The following AUTS2 variants were observed in gnomAD, a reference collection of about 807,000 sequenced individuals.
The protein encoded by AUTS2 is autism susceptibility gene 2 protein.
A neutral mutation model predicts 112.4 loss-of-function variants in AUTS2; 17 were observed. The ratio of observed to expected loss-of-function variants is 0.15; its 90% CI spans 0.10 to 0.23. The LOEUF is 0.23. Ranked by LOEUF, AUTS2 falls within the 10% of genes least tolerant of loss-of-function variation. The pLI, the probability that AUTS2 is intolerant of heterozygous loss-of-function variation, is 1.00. For missense variants in AUTS2, 1,510 were observed against 1,701.6 expected, an observed-to-expected ratio of 0.89 and a Z score of 1.98; for synonymous variants, 751 against 702.7, an observed-to-expected ratio of 1.07 and a Z score of -1.09.
chr7:69,697,303 C>T (rs1272618087), intron 1 of AUTS2, among the ~76,000 whole-genome samples: 2 of 152,230 alleles, frequency 1.3e-5, no homozygotes, highest in Non-Finnish European at 2.9e-5. Flanking sequence ...TTTTCTTTTA[C>T]AAGAAGCATT....
intron 1 of AUTS2, among the ~76,000 whole-genome samples, chr7:69,691,911 G>A (rs528273305): frequency 6.6e-6 from 1 of 152,258 alleles, no homozygotes; most frequent in Admixed American, 6.5e-5. Context: ...AGTTAGACAT[G>A]AAGCCTCCAC....
chr7:70,397,262 A>C (rs1452188332), intron 4 of AUTS2, among the ~76,000 whole-genome samples: 1 of 151,956 alleles, frequency 6.6e-6, no homozygotes, highest in Non-Finnish European at 1.5e-5. Flanking sequence ...ACAGGGTTTC[A>C]CCATGTTAGC....
At chr7:69,619,848 TC>T (rs1300686613) in intron 1 of AUTS2, among the ~76,000 whole-genome samples, 7 of 152,236 alleles carry the variant, frequency 4.6e-5, no homozygotes, top group Admixed American at 1.3e-4. Flanking sequence ...GGTGTTACAT[TC>T]TGGTGTCGCA....
intron 1 of AUTS2, among the ~76,000 whole-genome samples, chr7:69,743,639 C>T (rs1204718508): frequency 2.0e-5 from 3 of 152,142 alleles, no homozygotes; most frequent in African/African-American, 7.2e-5. Context: ...GTCAGTCTGT[C>T]ATTCTTACAT....
At chr7:70,224,733 A>G (rs561692676) in intron 4 of AUTS2, among the ~76,000 whole-genome samples, 84 of 152,292 alleles carry the variant, frequency 5.5e-4, no homozygotes, top group Non-Finnish European at 1.1e-3. Context: ...AGCTCCATTC[A>G]TGGTAAGTGC....
chr7:70,515,680 C>A (rs975593100), intron 5 of AUTS2, among the ~76,000 whole-genome samples: 1 of 152,206 alleles, frequency 6.6e-6, no homozygotes, highest in South Asian at 2.1e-4. Context: ...ACCTTGTTTG[C>A]CTCTCCCTGA....
intron 2 of AUTS2, among the ~76,000 whole-genome samples, chr7:70,014,267 CTT>C (rs1799932309): frequency 6.6e-6 from 1 of 152,190 alleles, no homozygotes; most frequent in African/African-American, 2.4e-5. Context: ...GAGGCATACA[CTT>C]TACATCTAAG....
chr7:69,730,943 A>G (rs1006650727), intron 1 of AUTS2, among the ~76,000 whole-genome samples: 2 of 152,176 alleles, frequency 1.3e-5, no homozygotes, highest in African/African-American at 2.4e-5. Flanking sequence ...TTTGGGGACT[A>G]CTTAATAGTA....
chr7:69,812,301 C>A (rs916283921), intron 1 of AUTS2, among the ~76,000 whole-genome samples: 1 of 152,156 alleles, frequency 6.6e-6, no homozygotes, highest in African/African-American at 2.4e-5. Flanking sequence ...CAGCAAAAAA[C>A]AAGTGATACT....
intron 4 of AUTS2, among the ~76,000 whole-genome samples, chr7:70,326,077 C>T (rs965402767): frequency 1.3e-5 from 2 of 152,152 alleles, no homozygotes; most frequent in Non-Finnish European, 2.9e-5. Flanking sequence ...GCAGGTTGAG[C>T]CTAGAGAGGC....
intron 1 of AUTS2, among the ~76,000 whole-genome samples, chr7:69,678,761 T>A (rs953656023): frequency 2.6e-5 from 4 of 152,220 alleles, no homozygotes; most frequent in African/African-American, 9.6e-5. Flanking sequence ...GCGTGAGCCA[T>A]TCATGGAGAC....
chr7:70,261,387 CT>C (rs1383222802), intron 4 of AUTS2, among the ~76,000 whole-genome samples: 1 of 152,170 alleles, frequency 6.6e-6, no homozygotes. Context: ...AATGTTGTTT[CT>C]TGATTGTGGT....
chr7:69,707,193 T>G (rs1483220891), intron 1 of AUTS2, among the ~76,000 whole-genome samples: 1 of 152,240 alleles, frequency 6.6e-6, no homozygotes, highest in Non-Finnish European at 1.5e-5. Context: ...AGCTCTTTTT[T>G]TGCTTTCATT....
chr7:70,518,511 T>C (rs1396947014), intron 5 of AUTS2, among the ~76,000 whole-genome samples: 2 of 151,798 alleles, frequency 1.3e-5, no homozygotes, highest in African/African-American at 4.8e-5. Flanking sequence ...TGAAACCCCG[T>C]CTCTACTAAA....
At chr7:69,751,095 G>A (rs938404376) in intron 1 of AUTS2, among the ~76,000 whole-genome samples, 2 of 152,150 alleles carry the variant, frequency 1.3e-5, no homozygotes, top group Non-Finnish European at 2.9e-5. Context: ...TGACTTGCAA[G>A]TCCACAAGAA....
intron 5 of AUTS2, among the ~76,000 whole-genome samples, chr7:70,630,474 A>T (rs17141908): frequency 0.073 from 11,109 of 152,240 alleles, 696 homozygotes; most frequent in East Asian, 0.33. Context: ...TGTCACTTTA[A>T]CTGGTTTCTT....
intron 5 of AUTS2, among the ~76,000 whole-genome samples, chr7:70,525,598 C>A (rs549102564): frequency 6.6e-6 from 1 of 152,002 alleles, no homozygotes; most frequent in African/African-American, 2.4e-5. Context: ...GAAAGAGTGA[C>A]GGGTTATGAC....
At chr7:70,011,446 C>T (rs899390608) in intron 2 of AUTS2, among the ~76,000 whole-genome samples, 4 of 150,918 alleles carry the variant, frequency 2.7e-5, no homozygotes, top group African/African-American at 9.7e-5. Flanking sequence ...CTTTTTGTTA[C>T]AAAAAAATGG....
chr7:70,589,716 A>AAAAAG (rs367608653), intron 5 of AUTS2, among the ~76,000 whole-genome samples: 3 of 152,208 alleles, frequency 2.0e-5, no homozygotes, highest in Non-Finnish European at 4.4e-5. Context: ...TCTGTCTCAA[A>AAAAAG]AAAAGAAAAG....
Sources: gnomAD v4.1 joint callset for allele counts (sites outside exome capture counted in the v4.1 genomes callset) on GRCh38, gnomAD v4.1.1 for gene constraint, MANE v1.5 for transcripts, NCBI Gene and HGNC (gene_info 2026-07-23, HGNC 2026-07-21) for gene names.